Variants in FANCC observed in about 807,000 individuals in gnomAD.
The protein encoded by FANCC is Fanconi anemia group C protein.
A neutral mutation model predicts 71.3 loss-of-function variants in FANCC; 55 were observed. The ratio of observed to expected loss-of-function variants is 0.77; its 90% CI spans 0.62 to 0.97. The LOEUF (loss-of-function observed/expected upper bound fraction) is 0.97, where lower values mean the gene tolerates loss of function less well. FANCC is among the 50% of genes least tolerant of loss of function. The pLI is 0.00. For missense variants in FANCC, 678 were observed against 670.9 expected, an observed-to-expected ratio of 1.01 and a Z score of -0.12; for synonymous variants, 275 against 244.9, an observed-to-expected ratio of 1.12 and a Z score of -1.15.
At chr9:95,116,133 A>G (rs1390910683) in intron 11 of FANCC, among the ~76,000 whole-genome samples, 4 of 152,228 alleles carry the variant, frequency 2.6e-5, no homozygotes, top group African/African-American at 9.6e-5. Context: ...CCCATGCACC[A>G]CCTCACCGTT....
intron 12 of FANCC, 127 bp from the exon 13 acceptor site, chr9:95,111,764 A>C (rs543218883): frequency 3.8e-6 from 4 of 1,043,074 alleles, no homozygotes; most frequent in South Asian, 2.7e-5. Context: ...TGCAACCTGC[A>C]AGGAATACAA....
intron 14 of FANCC, among the ~76,000 whole-genome samples, chr9:95,104,268 AAGGAC>A (rs1315814723): frequency 6.6e-5 from 10 of 152,216 alleles, no homozygotes; most frequent in Non-Finnish European, 2.9e-5. Context: ...AAACATCCGA[AAGGAC>A]AGCCCCCAGG....
At chr9:95,255,178 G>C (rs951828156) in intron 1 of FANCC, among the ~76,000 whole-genome samples, 4 of 152,112 alleles carry the variant, frequency 2.6e-5, no homozygotes, top group African/African-American at 9.7e-5. Context: ...GAGAGCAGCA[G>C]ATCTCCCAGC....
chr9:95,111,058 G>T, intron 13 of FANCC: 2 of 1,480,664 alleles, frequency 1.4e-6, no homozygotes, highest in Non-Finnish European at 1.8e-6. Flanking sequence ...GCCCTGGCCG[G>T]GCTGCTGGGG....
At position 95,228,003 on chromosome 9, in the gene FANCC, A is replaced by G. The variant is rs1829734176; in HGVS notation, c.345+12646T>C. On this transcript the variant is annotated intron_variant, in intron 4 of 14. Coordinates refer to ENST00000289081, the MANE Select transcript of FANCC (RefSeq NM_000136.3). ...TGCAACCTCTCTGCACTCCTCCAAC[A>G]AAGTGTCTCTCCCTTCCCTCTGGCT... 4.6e-5 allele frequency among the ~76,000 whole-genome samples: 7 copies of G among 152,226 alleles called. No homozygotes were observed. The South Asian group carries it at 1.2e-3, about 27-fold the overall frequency.
chr9:95,302,889 A>G (rs1480548277), intron 1 of FANCC, among the ~76,000 whole-genome samples: 1 of 152,262 alleles, frequency 6.6e-6, no homozygotes, highest in Non-Finnish European at 1.5e-5. Context: ...CTCAGTATGC[A>G]TATGACACTT....
chr9:95,263,734 T>C lies in FANCC; in HGVS notation c.-78-14365A>G, dbSNP rs2136183056. 3.3e-5 allele frequency among the ~76,000 whole-genome samples: 5 copies of C among 152,236 alleles called. 1 individual carries two copies. In the Middle Eastern group the frequency reaches 0.017, roughly 518 times the overall value. On this transcript the variant is annotated intron_variant, in intron 1 of 14. Transcript: ENST00000289081. ...AAGGCAAATAGCAGCTTAGCATTATTATAAAAATAGTTTTACCCTTGTGAA... is the reference window on the plus strand; with the variant it reads ...AAGGCAAATAGCAGCTTAGCATTATCATAAAAATAGTTTTACCCTTGTGAA...
intron 6 of FANCC, among the ~76,000 whole-genome samples, chr9:95,168,476 C>T (rs1825450154): frequency 6.6e-6 from 1 of 152,204 alleles, no homozygotes; most frequent in Admixed American, 6.5e-5. Flanking sequence ...CATGGTCACC[C>T]GTGGTCCAAA....
intron 6 of FANCC, among the ~76,000 whole-genome samples, chr9:95,151,306 T>C (rs1166800948): frequency 2.0e-5 from 3 of 152,152 alleles, no homozygotes; most frequent in Non-Finnish European, 4.4e-5. Flanking sequence ...ACACAGCACG[T>C]GCTCAACAAA....
At chr9:95,144,936 C>T (rs559811337) in intron 7 of FANCC, among the ~76,000 whole-genome samples, 21 of 152,096 alleles carry the variant, frequency 1.4e-4, no homozygotes, top group Non-Finnish European at 2.5e-4. Flanking sequence ...AAGCTCACTC[C>T]ACTTACTGGG....
chr9:95,314,631 A>T (rs2655056), intron 1 of FANCC, among the ~76,000 whole-genome samples: 91,757 of 151,676 alleles, frequency 0.6, 27,998 homozygotes, highest in East Asian at 0.77. Flanking sequence ...CAGTCTGGGC[A>T]AACAGAGCGA....
chr9:95,151,058 A>G (rs1045137257), intron 6 of FANCC, among the ~76,000 whole-genome samples: 1 of 152,218 alleles, frequency 6.6e-6, no homozygotes. Flanking sequence ...CGAACAGTGC[A>G]CATTTACAGG....
chr9:95,177,171 A>G (rs561901322), intron 4 of FANCC, among the ~76,000 whole-genome samples: 1 of 152,282 alleles, frequency 6.6e-6, no homozygotes, highest in South Asian at 2.1e-4. Context: ...CCTGCTGCAC[A>G]CCTAGGCTAC....
intron 1 of FANCC, 67 bp from the exon 2 acceptor site, chr9:95,249,436 T>C: frequency 6.5e-6 from 5 of 768,166 alleles, no homozygotes; most frequent in Admixed American, 2.1e-5. Context: ...CACGACCCAT[T>C]GATGGGTGAA....
intron 10 of FANCC, among the ~76,000 whole-genome samples, chr9:95,121,799 C>CAT (rs750058827): frequency 3.3e-5 from 5 of 151,562 alleles, no homozygotes; most frequent in Non-Finnish European, 5.9e-5. Flanking sequence ...TTTAGGCAGT[C>CAT]ATATATATGT....
At chr9:95,158,835 G>C (rs114627036) in intron 6 of FANCC, among the ~76,000 whole-genome samples, 1,592 of 152,254 alleles carry the variant, frequency 0.01, 30 homozygotes, top group African/African-American at 0.037. Flanking sequence ...GAGTAGCTCT[G>C]GTGTAGAACT....
In FANCC at chr9:95,100,564, C is replaced by G. The variant is rs1287595424; in HGVS notation, c.*1143G>C. ...AAAGAATGTACAACCAATACAATTC[C>G]AGAATGTCCCTGAAAGGAAAAAGCA... On this transcript the variant is annotated 3_prime_UTR_variant, in exon 15 of 15. Coordinates refer to ENST00000289081, the MANE Select transcript of FANCC (RefSeq NM_000136.3). 2 of 231,236 alleles carry G rather than the reference C, an allele frequency of 8.6e-6. No homozygotes were observed. The highest frequency in any genetic ancestry group is 4.4e-5 in the African/African-American group (2 of 45,260). The allele number at this position is 231,236 out of a possible 1,614,324, so 14.3% of individuals were successfully genotyped here. A position where few individuals can be genotyped will look rare whatever the true frequency, so the allele number is the denominator to read the frequency against.
rs1331709924 is a variant in FANCC, at chr9:95,114,787, C to G, written c.1073-77G>C. 11 of 1,250,210 alleles carry G rather than the reference C, an allele frequency of 8.8e-6. No individual in the cohort carries two copies. In the East Asian group the frequency reaches 2.5e-4, roughly 29 times the overall value. 77.4% of individuals were successfully genotyped at this position (1,250,210 alleles called of 1,614,324 possible). ...ATGAGGAACCACCTGCAGGGATGAC[C>G]TGAAGAGTCTTTGGGAGACGCCCTT... On this transcript the variant is annotated intron_variant, in intron 11 of 14. Coordinates refer to ENST00000289081, the MANE Select transcript of FANCC (RefSeq NM_000136.3).
intron 4 of FANCC, among the ~76,000 whole-genome samples, chr9:95,214,508 C>G (rs1828726694): frequency 1.3e-5 from 2 of 152,150 alleles, no homozygotes; most frequent in Admixed American, 1.3e-4. Flanking sequence ...TGGGTTTATA[C>G]TTAAAAGAAC....
Sources: allele counts gnomAD v4.1 joint callset (sites outside exome capture counted in the v4.1 genomes callset), GRCh38; gene constraint gnomAD v4.1.1; transcripts MANE v1.5; gene names NCBI Gene and HGNC (gene_info 2026-07-23, HGNC 2026-07-21).